The following SEPTIN6 variants were observed in gnomAD, a reference collection of about 807,000 sequenced individuals.
SEPTIN6 encodes the protein septin 6.
Under a neutral mutation model 33.6 loss-of-function variants are expected in SEPTIN6, and 8 were observed. That is an observed-to-expected ratio of 0.24 (90% CI 0.14 to 0.43). SEPTIN6 has a LOEUF of 0.43. Among genes scored for constraint, SEPTIN6 ranks in the 20% least tolerant of loss-of-function variants. The pLI is 1.00. For synonymous variants in SEPTIN6, 131 were observed against 140.0 expected (o/e 0.94, Z 0.45); for missense variants, 250 against 340.8 (o/e 0.73, Z 2.10).
chrX:119,631,462 G>A (rs974166174), intron 8 of SEPTIN6, among the ~76,000 whole-genome samples: 1 of 111,496 alleles, frequency 9.0e-6, no homozygotes, highest in Non-Finnish European at 1.9e-5. Flanking sequence ...TTACAGGCAT[G>A]AGCCACCACG....
At chrX:119,665,085 ATTC>A (rs201248910) in intron 2 of SEPTIN6, among the ~76,000 whole-genome samples, 1,177 of 103,899 alleles carry the variant, frequency 0.011, 21 homozygotes, top group African/African-American at 0.04. Flanking sequence ...GGCCACAAAA[ATTC>A]TTCTTCTTCT....
At chrX:119,624,476 T>C (rs1287032909) in intron 10 of SEPTIN6, among the ~76,000 whole-genome samples, 1 of 110,698 alleles carries the variant, frequency 9.0e-6, no homozygotes, top group Non-Finnish European at 1.9e-5. Flanking sequence ...CTCTCAGCCT[T>C]ATTATGGTTT....
chrX:119,633,757 CTG>C (rs1003871137), intron 7 of SEPTIN6, among the ~76,000 whole-genome samples: 3 of 112,074 alleles, frequency 2.7e-5, no homozygotes, highest in African/African-American at 9.7e-5. Flanking sequence ...GATGAGAAAA[CTG>C]AGGCCCAGAG....
chrX:119,677,380 C>T (rs909764966), intron 1 of SEPTIN6, among the ~76,000 whole-genome samples: 6 of 112,256 alleles, frequency 5.3e-5, no homozygotes, highest in African/African-American at 1.6e-4. Flanking sequence ...TGCCAAATAC[C>T]AACCAACGGC....
At chrX:119,651,695 T>A (rs972732503) in intron 4 of SEPTIN6, among the ~76,000 whole-genome samples, 28 of 111,409 alleles carry the variant, frequency 2.5e-4, no homozygotes, top group African/African-American at 6.8e-4. Context: ...TAAATAAATA[T>A]ATATGTATCT....
At chrX:119,684,506 T>TTTTG (rs2055020815) in intron 1 of SEPTIN6, among the ~76,000 whole-genome samples, 1 of 93,646 alleles carries the variant, frequency 1.1e-5, no homozygotes, top group Non-Finnish European at 2.1e-5. Flanking sequence ...TTTTTTTTTC[T>TTTTG]GAGATGGAGT....
At chrX:119,640,946 T>C (rs923748899) in intron 5 of SEPTIN6, among the ~76,000 whole-genome samples, 158 bp from the exon 6 acceptor site, 1 of 112,188 alleles carries the variant, frequency 8.9e-6, no homozygotes, top group African/African-American at 3.2e-5. Context: ...TCCCAAACCA[T>C]GTGAGGATAA....
At chrX:119,628,832 C>T (rs183705640) in intron 9 of SEPTIN6, 81 of 102,363 alleles carry the variant, frequency 7.9e-4, no homozygotes, top group African/African-American at 2.9e-3. Context: ...TTTTTTTAAG[C>T]AGAGACGGGG....
chrX:119,690,232 C>G (rs1456943457), intron 1 of SEPTIN6, among the ~76,000 whole-genome samples: 1 of 110,665 alleles, frequency 9.0e-6, no homozygotes, highest in East Asian at 2.8e-4. Flanking sequence ...AAGTTGGCTG[C>G]GTGCAATGTA....
chrX:119,639,500 A>G (rs2054117976), intron 6 of SEPTIN6, among the ~76,000 whole-genome samples: 1 of 112,323 alleles, frequency 8.9e-6, no homozygotes, highest in African/African-American at 3.2e-5. Context: ...AAATAATCAT[A>G]CATACAAAGA....
In SEPTIN6 at chrX:119,633,359, CCT is replaced by C; in HGVS notation, c.1088_1089del (p.Glu363AlafsTer6). ...KEAELKEAEKELHEKFDRLKK... is the reference protein window; with the variant it reads ...KEAELKEAEKXLHEKFDRLKK... Reference sequence around the variant, plus strand: ...TTAATAATCACCAGGCTCACATTTACCTCTTTCTCTGCCTCTTTGAGCTCCGC... The same window carrying C: ...TTAATAATCACCAGGCTCACATTTACCTTTCTCTGCCTCTTTGAGCTCCGC... On this transcript the variant is annotated frameshift_variant and splice_region_variant, in exon 8 of 11. Transcript: ENST00000394610. LOFTEE classifies it high-confidence loss of function. 8.3e-7 allele frequency: 1 copy of C among 1,203,078 alleles called. No individual in the cohort carries two copies. The highest frequency in any genetic ancestry group is 1.1e-6 in the Non-Finnish European group (1 of 890,546).
intron 1 of SEPTIN6, 107 bp from the exon 2 acceptor site, chrX:119,675,775 G>T: frequency 5.3e-6 from 2 of 378,099 alleles, no homozygotes; most frequent in Non-Finnish European, 4.4e-6. Context: ...ACCCGCCCAG[G>T]CCCAGTGTGT....
chrX:119,669,721 A>G (rs780733837), intron 2 of SEPTIN6, among the ~76,000 whole-genome samples: 1 of 112,125 alleles, frequency 8.9e-6, no homozygotes, highest in African/African-American at 3.2e-5. Context: ...GACGTTGACC[A>G]GCACACCACT....
intron 1 of SEPTIN6, among the ~76,000 whole-genome samples, chrX:119,679,817 G>A (rs1024742854): frequency 1.1e-4 from 12 of 111,510 alleles, no homozygotes; most frequent in African/African-American, 3.6e-4. Flanking sequence ...CCGAGATTGC[G>A]CCACTGCACT....
chrX:119,617,026 AAAAC>A lies in SEPTIN6; in HGVS notation c.*3063_*3066del, dbSNP rs1238551852. The A allele has an allele frequency of 1.0e-6, 1 of 954,839 alleles. No individual in the cohort carries two copies. The highest frequency in any genetic ancestry group is 2.0e-5 in the African/African-American group (1 of 50,042). 78.7% of individuals were successfully genotyped at this position (954,839 alleles called of 1,213,427 possible). On this transcript the variant is annotated 3_prime_UTR_variant, in exon 11 of 11. Coordinates refer to ENST00000394610, the MANE Select transcript of SEPTIN6 (RefSeq NM_145799.4). ...GCCAAATGATTAAAACAAAAAAACA[AAAAC>A]AAGAGCCATCTACACTGCAGCTAGG...
At chrX:119,641,959 ATT>A (rs1198504187) in intron 5 of SEPTIN6, among the ~76,000 whole-genome samples, 7 of 112,104 alleles carry the variant, frequency 6.2e-5, no homozygotes, top group Admixed American at 4.7e-4. Flanking sequence ...TTCTACAAAT[ATT>A]TACTGAGCTC....
intron 5 of SEPTIN6, among the ~76,000 whole-genome samples, chrX:119,645,926 A>C (rs1010357415): frequency 1.8e-5 from 2 of 112,230 alleles, no homozygotes; most frequent in East Asian, 5.6e-4. Flanking sequence ...TCTAACTTAA[A>C]TTCTTCTTGT....
intron 3 of SEPTIN6, among the ~76,000 whole-genome samples, chrX:119,663,132 A>G (rs776173114): frequency 8.9e-6 from 1 of 112,100 alleles, no homozygotes; most frequent in African/African-American, 3.2e-5. Context: ...TTTGCCTATG[A>G]GTCCCTCAAG....
chrX:119,633,729 C>G (rs2054007882), intron 7 of SEPTIN6, among the ~76,000 whole-genome samples: 1 of 111,836 alleles, frequency 8.9e-6, no homozygotes, highest in South Asian at 3.7e-4. Context: ...ATATCTGGTT[C>G]TATACTCTTG....
Sources: allele counts gnomAD v4.1 joint callset (sites outside exome capture counted in the v4.1 genomes callset), GRCh38; gene constraint gnomAD v4.1.1; transcripts MANE v1.5; gene names NCBI Gene and HGNC (gene_info 2026-07-23, HGNC 2026-07-21).